Variants in IFT122 observed in about 807,000 individuals in gnomAD.
The protein encoded by IFT122 is intraflagellar transport protein 122 homolog.
A neutral mutation model predicts 161.6 loss-of-function variants in IFT122; 118 were observed. That is an observed-to-expected ratio of 0.73 (90% CI 0.63 to 0.85). The LOEUF (loss-of-function observed/expected upper bound fraction) is 0.85, where lower values mean the gene tolerates loss of function less well. Among genes scored for constraint, IFT122 ranks in the 40% least tolerant of loss-of-function variants. IFT122 has a pLI of 0.00. For synonymous variants in IFT122, 550 were observed against 602.4 expected (o/e 0.91, Z 1.27); for missense variants, 1,381 against 1,579.6 (o/e 0.87, Z 2.13).
At position 129,518,101 on chromosome 3, in the gene IFT122, C is replaced by T. The variant is rs190049393; in HGVS notation, c.3391+507C>T. Reference sequence around the variant, plus strand: ...ACAGGCTGGCTCTGCCTCTCTTGGCCGCACTGTCCTCTGGGCAACTTCATT... The same window carrying T: ...ACAGGCTGGCTCTGCCTCTCTTGGCTGCACTGTCCTCTGGGCAACTTCATT... On this transcript the variant is annotated intron_variant, in intron 27 of 29. Coordinates refer to ENST00000348417, the MANE Select transcript of IFT122 (RefSeq NM_052989.3). Among the ~76,000 whole-genome samples, 48 of 152,348 alleles carry T rather than the reference C, an allele frequency of 3.2e-4. No individual in the cohort carries two copies. The East Asian group carries it at 6.2e-3, about 20-fold the overall frequency.
chr3:129,456,269 G>A, intron 3 of IFT122: 3 of 1,258,844 alleles, frequency 2.4e-6, no homozygotes, highest in Non-Finnish European at 3.1e-6. Context: ...GAAATAGTAA[G>A]AGCAGTTTCT....
At position 129,467,081 on chromosome 3, in the gene IFT122, G is replaced by A. The variant is rs56379561; in HGVS notation, c.740+15G>A. On this transcript the variant is annotated intron_variant, in intron 8 of 29. Transcript: ENST00000348417. ...GACGACAACTTGTGAGTGTGTCCCA[G>A]TGAGTGGGAACCCTTCTGGTAAGGG... 177,959 of 1,610,426 alleles carry A rather than the reference G, an allele frequency of 0.11. 12,066 individuals carry two copies. Among genetic ancestry groups the A allele is most frequent in the South Asian group, 0.25 (22,550 of 90,964 alleles).
rs1320096747 is a variant in IFT122 at position 129,466,944 on chromosome 3, T to G, written c.618T>G (p.Ile206Met). The change falls in exon 8 of 30, where the codon ATT becomes ATG. Residue 206 changes from isoleucine to methionine, a missense_variant. Ile to Met is a conservative substitution (Grantham distance 10, BLOSUM62 1). This residue lies in a region of IFT122 where 544 missense variants were observed against 648.0 expected (regional missense o/e 0.84). Coordinates refer to ENST00000348417, the MANE Select transcript of IFT122 (RefSeq NM_052989.3). ...NRENEDAEDVIVNRYIQEIPS... is the reference protein window; with the variant it reads ...NRENEDAEDVMVNRYIQEIPS... ...AGAATGAGGATGCCGAGGATGTCAT[T>G]GTCAACAGATATATTCAGGAAATCC... The G allele has an allele frequency of 6.2e-7, 1 of 1,614,214 alleles. No homozygotes were observed. The highest frequency in any genetic ancestry group is 1.7e-5 in the Admixed American group (1 of 60,028).
intron 1 of IFT122, among the ~76,000 whole-genome samples, chr3:129,446,456 C>A (rs1445070821): frequency 1.3e-5 from 2 of 152,098 alleles, no homozygotes; most frequent in Non-Finnish European, 2.9e-5. Flanking sequence ...ACCTCATGAT[C>A]CACCCACCTC....
At chr3:129,498,786 G>A (rs1488340351) in intron 18 of IFT122, among the ~76,000 whole-genome samples, 1 of 152,124 alleles carries the variant, frequency 6.6e-6, no homozygotes, top group Non-Finnish European at 1.5e-5. Context: ...ACTCTCCACA[G>A]GGTACATTAT....
intron 11 of IFT122, among the ~76,000 whole-genome samples, chr3:129,477,743 TTATATTTG>T (rs1489026558): frequency 6.6e-6 from 1 of 152,182 alleles, no homozygotes; most frequent in East Asian, 1.9e-4. Flanking sequence ...GCAGAGGAGT[TTATATTTG>T]TATCCAGCAA....
At chr3:129,456,948 T>A (rs2075575733) in intron 3 of IFT122, among the ~76,000 whole-genome samples, 1 of 152,196 alleles carries the variant, frequency 6.6e-6, no homozygotes, top group Non-Finnish European at 1.5e-5. Context: ...ACTATCTTAG[T>A]TGACTCCCAT....
intron 15 of IFT122, among the ~76,000 whole-genome samples, chr3:129,485,494 G>T (rs1280166216): frequency 6.6e-6 from 1 of 152,198 alleles, no homozygotes; most frequent in Non-Finnish European, 1.5e-5. Context: ...GAATGAGGTG[G>T]GTGGAAGTGG....
chr3:129,509,718 A>G (rs1415295469), intron 23 of IFT122, among the ~76,000 whole-genome samples: 1 of 152,246 alleles, frequency 6.6e-6, no homozygotes. Flanking sequence ...TTCCAGAGCC[A>G]ATATGTGAGT....
chr3:129,506,701 G>A, intron 22 of IFT122, 152 bp downstream of exon 22: 1 of 1,164,966 alleles, frequency 8.6e-7, no homozygotes, highest in South Asian at 1.2e-5. Context: ...GTAATCTGGT[G>A]TATCATCTTT....
At chr3:129,449,974 C>T (rs1366205853) in intron 2 of IFT122, 37 bp downstream of exon 2, 1 of 1,335,808 alleles carries the variant, frequency 7.5e-7, no homozygotes, top group Non-Finnish European at 1.1e-6. Flanking sequence ...AAAGTGCTTC[C>T]CTAACCTCCC....
At chr3:129,512,169 C>T (rs1296124731) in intron 23 of IFT122, 143 bp from the exon 24 acceptor site, 1 of 749,064 alleles carries the variant, frequency 1.3e-6, no homozygotes, top group East Asian at 2.5e-5. Flanking sequence ...CTATATGGCG[C>T]TCAGCACACA....
Position 129,514,561 on chromosome 3 carries a change from A to G in IFT122, c.3153+7A>G, listed in dbSNP as rs2083241264. 1 of 1,614,148 alleles carries G rather than the reference A, an allele frequency of 6.2e-7. No individual in the cohort carries two copies. Among genetic ancestry groups the G allele is most frequent in the Non-Finnish European group, 8.5e-7 (1 of 1,180,024 alleles). On this transcript the variant is annotated splice_region_variant and intron_variant, in intron 25 of 29. Transcript: ENST00000348417. ...GCCCTTCCACGACAGTGAGGTGAGG[A>G]TGCAGCACCCTTGGGCAGGTGGCTT...
intron 1 of IFT122, 48 bp from the exon 2 acceptor site, chr3:129,449,823 T>C: frequency 7.7e-7 from 1 of 1,300,840 alleles, no homozygotes. Context: ...ATTAGCAGAC[T>C]TCATCATTTT....
In IFT122 at chr3:129,460,945, A is replaced by G. The variant is rs772348994; in HGVS notation, c.273-283A>G. The G allele has an allele frequency of 1.2e-6, 2 of 1,612,590 alleles. No homozygotes were observed. Among genetic ancestry groups the G allele is most frequent in the Non-Finnish European group, 1.7e-6 (2 of 1,178,590 alleles). ...AGTAACAGCCACAGATAAAGCACCT[A>G]AAGGCCAAGGTGGGAGGATTGATTG... On this transcript the variant is annotated intron_variant, in intron 4 of 29. Transcript: ENST00000348417.
At position 129,512,733 on chromosome 3, in the gene IFT122, C is replaced by T. The variant is rs111513637; in HGVS notation, c.2987+321C>T. ...ATGGAAGAAGCACCAGGCCTTCAGG[C>T]TTGGAACCTTGGGCACTTCTCCAGA... On this transcript the variant is annotated intron_variant, in intron 24 of 29. Transcript: ENST00000348417. 2.3e-3 allele frequency: 951 copies of T among 412,984 alleles called. 9 individuals are homozygous for T. The highest frequency in any genetic ancestry group is 0.018 in the African/African-American group (891 of 49,380). 25.6% of individuals were successfully genotyped at this position (412,984 alleles called of 1,614,324 possible). A position where few individuals can be genotyped will look rare whatever the true frequency, so the allele number is the denominator to read the frequency against.
At chr3:129,440,981 G>C (rs144605992) in intron 1 of IFT122, among the ~76,000 whole-genome samples, 1 of 152,150 alleles carries the variant, frequency 6.6e-6, no homozygotes, top group Non-Finnish European at 1.5e-5. Context: ...CTGGAGATGG[G>C]CAGGTATGAT....
intron 15 of IFT122, among the ~76,000 whole-genome samples, chr3:129,484,746 G>A (rs1432207606): frequency 6.6e-5 from 10 of 152,160 alleles, no homozygotes; most frequent in South Asian, 4.1e-4. Context: ...CTAAAGCATC[G>A]TTCTGTGTCA....
rs555867862 is a variant in IFT122, at chr3:129,483,834, C to T, written c.1851+152C>T. On this transcript the variant is annotated intron_variant, in intron 15 of 29. Coordinates refer to ENST00000348417, the MANE Select transcript of IFT122 (RefSeq NM_052989.3). The stretch of plus-strand genomic sequence containing the variant: ...GAGGCAGTCTGGGCCTGGAACCTGC[C>T]GCCCTGTCTCCACTCCTTGCAACCT... 14 of 803,298 alleles carry T rather than the reference C, an allele frequency of 1.7e-5. 1 individual carries two copies. Among genetic ancestry groups the T allele is most frequent in the Admixed American group, 4.1e-5 (2 of 49,304 alleles). 49.8% of individuals were successfully genotyped at this position (803,298 alleles called of 1,614,324 possible). A position where few individuals can be genotyped will look rare whatever the true frequency, so the allele number is the denominator to read the frequency against.
Sources: allele counts gnomAD v4.1 joint callset (sites outside exome capture counted in the v4.1 genomes callset), GRCh38; gene constraint gnomAD v4.1.1; regional missense constraint gnomAD v4.1.1; transcripts MANE v1.5; gene names NCBI Gene and HGNC (gene_info 2026-07-23, HGNC 2026-07-21).